Variants in FNDC1 observed in about 807,000 individuals in gnomAD.
FNDC1 encodes the protein fibronectin type III domain-containing protein 1.
A neutral mutation model predicts 168.0 loss-of-function variants in FNDC1; 96 were observed. The ratio of observed to expected loss-of-function variants is 0.57; its 90% CI spans 0.48 to 0.68. The LOEUF (loss-of-function observed/expected upper bound fraction) is 0.68, where lower values mean the gene tolerates loss of function less well. FNDC1 is among the 30% of genes least tolerant of loss of function. The probability of loss-of-function intolerance (pLI) is 0.00; values close to 1 mark genes in which losing one functional copy is unlikely to be tolerated. For synonymous variants in FNDC1, 1,099 were observed against 1,025.9 expected, an observed-to-expected ratio of 1.07 and a Z score of -1.36; for missense variants, 2,587 against 2,482.1, an observed-to-expected ratio of 1.04 and a Z score of -0.90.
intron 10 of FNDC1, 87 bp downstream of exon 10, chr6:159,230,090 T>C: frequency 7.9e-7 from 1 of 1,258,544 alleles, no homozygotes; most frequent in Non-Finnish European, 1.1e-6. Flanking sequence ...CTCTTGGGTT[T>C]GGAACTGCTC....
chr6:159,175,829 C>T (rs1368288408), intron 1 of FNDC1, among the ~76,000 whole-genome samples: 1 of 152,176 alleles, frequency 6.6e-6, no homozygotes, highest in Admixed American at 6.5e-5. Context: ...CAACTTTGAA[C>T]CTTTGAGACT....
rs777702412 is a variant in FNDC1, at chr6:159,251,310, G to A, written c.4843G>A (p.Val1615Met). 28 of 1,613,118 alleles carry A rather than the reference G, an allele frequency of 1.7e-5. No individual in the cohort carries two copies. The highest frequency in any genetic ancestry group is 1.3e-4 in the Admixed American group (8 of 59,976). The change falls in exon 17 of 23, where the codon GTG becomes ATG. Residue 1615 changes from valine (V) to methionine (M), a missense_variant. Coordinates refer to ENST00000297267, the MANE Select transcript of FNDC1 (RefSeq NM_032532.3). The stretch of plus-strand genomic sequence containing the variant: ...TCTCTGTTCTTTTCCAGCTCCTTAC[G>A]TGACGTACCTAAATAAAGACCCATC... ...AGRKRFVAPYVTYLNKDPSAP... is the reference protein window; with the variant it reads ...AGRKRFVAPYMTYLNKDPSAP...
chr6:159,182,062 C>G (rs1781891430), intron 1 of FNDC1, among the ~76,000 whole-genome samples: 1 of 152,178 alleles, frequency 6.6e-6, no homozygotes, highest in South Asian at 2.1e-4. Flanking sequence ...CACATATGTA[C>G]CTGCTGATAT....
At chr6:159,235,351 T>C (rs1217223974) in intron 11 of FNDC1, among the ~76,000 whole-genome samples, 1 of 152,146 alleles carries the variant, frequency 6.6e-6, no homozygotes, top group East Asian at 1.9e-4. Flanking sequence ...CAATGCATTG[T>C]TATTTTAGCC....
chr6:159,218,963 C>T (rs144331532), intron 5 of FNDC1, among the ~76,000 whole-genome samples: 1 of 151,778 alleles, frequency 6.6e-6, no homozygotes, highest in East Asian at 1.9e-4. Flanking sequence ...GGAAAGTGGG[C>T]AAATGTGGTG....
intron 19 of FNDC1, among the ~76,000 whole-genome samples, chr6:159,263,895 C>A (rs369484436): frequency 6.6e-6 from 1 of 152,220 alleles, no homozygotes. Flanking sequence ...GTGGAGGTTG[C>A]AGTGAGCCGA....
chr6:159,269,502 C>T (rs202072403), intron 22 of FNDC1, among the ~76,000 whole-genome samples: 1 of 92,442 alleles, frequency 1.1e-5, no homozygotes, highest in Non-Finnish European at 2.6e-5. Flanking sequence ...ATCTATCTAT[C>T]CATCCATCCA....
chr6:159,234,878 C>G (rs1203718804), intron 11 of FNDC1, among the ~76,000 whole-genome samples: 1 of 152,224 alleles, frequency 6.6e-6, no homozygotes, highest in Non-Finnish European at 1.5e-5. Flanking sequence ...CCATGATGCC[C>G]AACTCAGGTT....
intron 17 of FNDC1, among the ~76,000 whole-genome samples, chr6:159,253,269 C>T (rs1292990260): frequency 6.6e-6 from 1 of 152,186 alleles, no homozygotes; most frequent in African/African-American, 2.4e-5. Flanking sequence ...CACATGACAC[C>T]CTGTGGTGTG....
In FNDC1 at chr6:159,232,774, C is replaced by T. The variant is rs1783127047; in HGVS notation, c.2262C>T (p.Asn754=). ...GKDGEDAPAT[N]SNAPSRSTMS... ...ATGGTGAGGACGCCCCAGCCACCAA[C>T]TCCAATGCGCCATCACGGTCCACCA... Residue 754 remains asparagine (N), a synonymous_variant, in exon 11 of 23, where the codon AAC becomes AAT. Coordinates refer to ENST00000297267, the MANE Select transcript of FNDC1 (RefSeq NM_032532.3). The surrounding 1 kb of genome is among the most constrained non-coding windows in gnomAD (Gnocchi z 4.9). 5 of 1,613,868 alleles carry T rather than the reference C, an allele frequency of 3.1e-6. No homozygotes were observed. The highest frequency in any genetic ancestry group is 4.2e-6 in the Non-Finnish European group (5 of 1,179,910).
intron 18 of FNDC1, among the ~76,000 whole-genome samples, chr6:159,260,681 C>A (rs766191569): frequency 1.3e-5 from 2 of 152,204 alleles, no homozygotes; most frequent in Non-Finnish European, 2.9e-5. Flanking sequence ...CCATAAGTTG[C>A]GTGGCTGCTG....
chr6:159,197,501 C>A lies in FNDC1; in HGVS notation c.180C>A (p.Asp60Glu). ...AAATGGGCCTGAAAGTCACGTGGGA[C>A]CCACCCAAAGATGCTACCAGTAGAC... ...STKMGLKVTWDPPKDATSRPV... is the reference protein window; with the variant it reads ...STKMGLKVTWEPPKDATSRPV... The change falls in exon 2 of 23, where the codon GAC becomes GAA. Residue 60 changes from aspartate (D) to glutamate (E), a missense_variant. Asp to Glu is a conservative substitution (Grantham distance 45, BLOSUM62 2). Transcript: ENST00000297267. 1 of 1,613,944 alleles carries A rather than the reference C, an allele frequency of 6.2e-7. No individual in the cohort carries two copies. Among genetic ancestry groups the A allele is most frequent in the Non-Finnish European group, 8.5e-7 (1 of 1,179,868 alleles).
At position 159,239,958 on chromosome 6, in the gene FNDC1, G is replaced by C; in HGVS notation, c.4621+1G>C. 6.8e-7 allele frequency: 1 copy of C among 1,473,670 alleles called. No individual in the cohort carries two copies. Among genetic ancestry groups the C allele is most frequent in the Non-Finnish European group, 9.0e-7 (1 of 1,106,390 alleles). The allele number at this position is 1,473,670 out of a possible 1,614,324, so 91.3% of individuals were successfully genotyped here. A position where few individuals can be genotyped will look rare whatever the true frequency, so the allele number is the denominator to read the frequency against. On this transcript the variant is annotated splice_donor_variant, in intron 14 of 22. Coordinates refer to ENST00000297267, the MANE Select transcript of FNDC1 (RefSeq NM_032532.3). LOFTEE classifies it high-confidence loss of function. ...ATCCCAGAGTGCTACGCTGAAGAAG[G>C]TAACTGCCTTTGTTCTAATGCTAAC...
At chr6:159,184,531 G>T (rs957709842) in intron 1 of FNDC1, among the ~76,000 whole-genome samples, 1 of 152,152 alleles carries the variant, frequency 6.6e-6, no homozygotes, top group African/African-American at 2.4e-5. Context: ...GGCCTATGTG[G>T]TAGCTGGCTC....
chr6:159,226,920 G>C (rs1035416955), intron 9 of FNDC1, among the ~76,000 whole-genome samples: 3 of 152,166 alleles, frequency 2.0e-5, no homozygotes, highest in Admixed American at 6.5e-5. Flanking sequence ...GATCACGAAA[G>C]CAGGTGTCAG....
In FNDC1 at chr6:159,240,039, G is replaced by T. The variant is rs1027429580; in HGVS notation, c.4621+82G>T. 6.1e-6 allele frequency: 8 copies of T among 1,314,470 alleles called. No individual in the cohort carries two copies. In the Middle Eastern group the frequency reaches 5.7e-4, roughly 94 times the overall value. 81.4% of individuals were successfully genotyped at this position (1,314,470 alleles called of 1,614,324 possible). ...TCAGAGCAGGGTGGCAGAGCCTGCA[G>T]GGGAGGTATGAGCACCGTGCACAGC... On this transcript the variant is annotated intron_variant, in intron 14 of 22. Coordinates refer to ENST00000297267, the MANE Select transcript of FNDC1 (RefSeq NM_032532.3).
intron 17 of FNDC1, among the ~76,000 whole-genome samples, chr6:159,252,054 A>G (rs548173011): frequency 6.6e-6 from 1 of 152,238 alleles, no homozygotes; most frequent in East Asian, 1.9e-4. Flanking sequence ...GGTGCTTCTC[A>G]GTTCCTTATG....
intron 1 of FNDC1, among the ~76,000 whole-genome samples, chr6:159,170,813 G>C (rs943920059): frequency 6.6e-6 from 1 of 152,190 alleles, no homozygotes; most frequent in African/African-American, 2.4e-5. Context: ...GGCAGTGCCT[G>C]CCGTAGGGTC....
chr6:159,250,271 C>T (rs1179935704), intron 16 of FNDC1, among the ~76,000 whole-genome samples: 1 of 152,194 alleles, frequency 6.6e-6, no homozygotes, highest in African/African-American at 2.4e-5. Context: ...GAAAACACTG[C>T]CTTAGCTGTG....
Sources: allele counts gnomAD v4.1 joint callset (sites outside exome capture counted in the v4.1 genomes callset), GRCh38; gene constraint gnomAD v4.1.1; non-coding constraint Gnocchi (gnomAD v3.1); transcripts MANE v1.5; gene names NCBI Gene and HGNC (gene_info 2026-07-23, HGNC 2026-07-21).